CPSF3: variants seen among roughly 807,000 people sequenced by gnomAD.
CPSF3 encodes cleavage and polyadenylation specificity factor subunit 3.
A neutral mutation model predicts 84.1 loss-of-function variants in CPSF3; 57 were observed. The observed-to-expected ratio is 0.68, with a 90% confidence interval of 0.55 to 0.85. CPSF3 has a LOEUF of 0.85. Ranked by LOEUF, CPSF3 falls within the 40% of genes least tolerant of loss-of-function variation. The pLI is 0.00. For synonymous variants in CPSF3, 275 were observed against 278.1 expected, an observed-to-expected ratio of 0.99 and a Z score of 0.11; for missense variants, 522 against 838.8, an observed-to-expected ratio of 0.62 and a Z score of 4.66.
At chr2:9,454,018 G>A (rs532934449) in intron 12 of CPSF3, among the ~76,000 whole-genome samples, 1 of 152,296 alleles carries the variant, frequency 6.6e-6, no homozygotes, top group South Asian at 2.1e-4. Flanking sequence ...CCATCAATAA[G>A]TCATTTTCCA....
intron 1 of CPSF3, among the ~76,000 whole-genome samples, chr2:9,426,745 A>G (rs1680405938): frequency 6.6e-6 from 1 of 152,076 alleles, no homozygotes; most frequent in Non-Finnish European, 1.5e-5. Flanking sequence ...CTTAGGAGTG[A>G]CAACGGCTGC....
chr2:9,457,631 T>C (rs1681576712), intron 14 of CPSF3, among the ~76,000 whole-genome samples: 1 of 152,182 alleles, frequency 6.6e-6, no homozygotes, highest in Admixed American at 6.6e-5. Context: ...AAGAAGGACT[T>C]TCAAAGTGAG....
Position 9,455,670 on chromosome 2 carries a change from C to T in CPSF3, c.1516C>T (p.Leu506=), listed in dbSNP as rs751464968. The T allele has an allele frequency of 6.2e-7, 1 of 1,613,300 alleles. No homozygotes were observed. Among genetic ancestry groups the T allele is most frequent in the East Asian group, 2.2e-5 (1 of 44,868 alleles). Residue 506 remains leucine, a synonymous_variant, in exon 13 of 18, where the codon CTG becomes TTG. Coordinates refer to ENST00000238112, the MANE Select transcript of CPSF3 (RefSeq NM_016207.4). ...CATTTTCTCTTCAGATTATACTGAC[C>T]TGGCCATGAGCACGGTGAAGCAGAC... is the stretch of plus-strand genomic sequence containing the variant. The part of the protein sequence containing the change: ...SPCDLSNYTD[L]AMSTVKQTQA...
intron 10 of CPSF3, among the ~76,000 whole-genome samples, chr2:9,445,829 A>C (rs1384547054): frequency 6.6e-6 from 1 of 152,240 alleles, no homozygotes; most frequent in African/African-American, 2.4e-5. Flanking sequence ...AGCTCCAGCA[A>C]AAGTATAGCT....
chr2:9,430,176 A>G (rs1014602075), intron 3 of CPSF3, among the ~76,000 whole-genome samples, 156 bp downstream of exon 3: 1 of 152,246 alleles, frequency 6.6e-6, no homozygotes, highest in Non-Finnish European at 1.5e-5. Flanking sequence ...CCGTAATGTC[A>G]TCACAGGCTA....
At chr2:9,438,338 G>A (rs1680856457) in intron 7 of CPSF3, among the ~76,000 whole-genome samples, 6 of 151,944 alleles carry the variant, frequency 3.9e-5, no homozygotes. Context: ...TAACCTGTAA[G>A]ATGAAGAACA....
intron 10 of CPSF3, among the ~76,000 whole-genome samples, chr2:9,447,403 C>A (rs1681162510): frequency 1.3e-5 from 2 of 151,942 alleles, no homozygotes; most frequent in South Asian, 4.1e-4. Flanking sequence ...TGCTTGATCC[C>A]TGGAGGTTGA....
At chr2:9,443,101 T>C (rs965531489) in intron 9 of CPSF3, among the ~76,000 whole-genome samples, 4 of 152,170 alleles carry the variant, frequency 2.6e-5, no homozygotes, top group Non-Finnish European at 5.9e-5. Flanking sequence ...AGGTCGAGGC[T>C]GCAGTGAGCT....
intron 10 of CPSF3, among the ~76,000 whole-genome samples, chr2:9,446,385 C>T (rs1681122901): frequency 1.3e-5 from 2 of 152,002 alleles, no homozygotes; most frequent in East Asian, 1.9e-4. Context: ...TGGAGACCAT[C>T]CTGGCTAACA....
intron 10 of CPSF3, 130 bp downstream of exon 10, chr2:9,443,791 A>C (rs1197430241): frequency 5.1e-6 from 5 of 975,250 alleles, no homozygotes. Context: ...AGAGCCTTTC[A>C]CATGCACTCG....
At chr2:9,460,245 C>T (rs892014830) in intron 15 of CPSF3, among the ~76,000 whole-genome samples, 15 of 151,952 alleles carry the variant, frequency 9.9e-5, no homozygotes, top group East Asian at 1.9e-4. Flanking sequence ...CTGGCTAACA[C>T]GGTGAAACCT....
chr2:9,451,551 C>T (rs977281851), intron 11 of CPSF3, among the ~76,000 whole-genome samples: 4 of 152,034 alleles, frequency 2.6e-5, no homozygotes, highest in Admixed American at 2.0e-4. Flanking sequence ...ATCCCTTAAG[C>T]TCAGGAATTG....
At chr2:9,424,133 AC>A (rs1476344052) in intron 1 of CPSF3, 1 of 1,116,608 alleles carries the variant, frequency 9.0e-7, no homozygotes, top group Non-Finnish European at 1.1e-6. Flanking sequence ...TTCACTTAGC[AC>A]AAGCACGGAT....
chr2:9,466,259 CACACAAAG>C (rs60696786), intron 15 of CPSF3, among the ~76,000 whole-genome samples: 7 of 92,438 alleles, frequency 7.6e-5, no homozygotes, highest in South Asian at 2.8e-4. Flanking sequence ...CGCACACACG[CACACAAAG>C]ACGCACGCAC....
At chr2:9,448,967 G>A (rs184876087) in intron 11 of CPSF3, among the ~76,000 whole-genome samples, 192 of 152,292 alleles carry the variant, frequency 1.3e-3, no homozygotes, top group Middle Eastern at 3.4e-3. Flanking sequence ...TGTTACTGTA[G>A]CCAGTATAGC....
intron 11 of CPSF3, among the ~76,000 whole-genome samples, chr2:9,450,968 A>T (rs1347447516): frequency 6.6e-6 from 1 of 151,588 alleles, no homozygotes; most frequent in African/African-American, 2.4e-5. Flanking sequence ...AAAACTTTTC[A>T]GGGGCCGATT....
chr2:9,452,338 AAAAAAG>A (rs1013581570), intron 11 of CPSF3, among the ~76,000 whole-genome samples: 15 of 151,996 alleles, frequency 9.9e-5, no homozygotes, highest in Non-Finnish European at 1.9e-4. Context: ...AAAAAAAAAA[AAAAAAG>A]AATAGTGGGT....
At position 9,433,954 on chromosome 2, in the gene CPSF3, TATC is replaced by T. The variant is rs750277734; in HGVS notation, c.606_608del (p.Ile203del). 1 of 1,556,386 alleles carries T rather than the reference TATC, an allele frequency of 6.4e-7. No individual in the cohort carries two copies. Among genetic ancestry groups the T allele is most frequent in the South Asian group, 1.1e-5 (1 of 89,120 alleles). On this transcript the variant is annotated inframe_deletion, in exon 6 of 18. Transcript: ENST00000238112. ...TTCCTAATATTAAGCCTGATATTCT[TATC>T]ATTGTAAGTATTAATATACTATATT... is the stretch of plus-strand genomic sequence containing the variant.
At chr2:9,437,346 G>C (rs1189089305) in intron 7 of CPSF3, among the ~76,000 whole-genome samples, 1 of 152,132 alleles carries the variant, frequency 6.6e-6, no homozygotes, top group Non-Finnish European at 1.5e-5. Context: ...AGAGGTTGCA[G>C]TGAGCCGAGA....
Sources: allele counts gnomAD v4.1 joint callset (sites outside exome capture counted in the v4.1 genomes callset), GRCh38; gene constraint gnomAD v4.1.1; transcripts MANE v1.5; gene names NCBI Gene and HGNC (gene_info 2026-07-23, HGNC 2026-07-21).